Variants in GC observed in about 807,000 individuals in gnomAD.
GC encodes vitamin D-binding protein.
GC carries 43 observed loss-of-function variants against 56.7 expected under a neutral mutation model. That is an observed-to-expected ratio of 0.76 (90% CI 0.59 to 0.98). The LOEUF is 0.98. GC is among the 50% of genes least tolerant of loss of function. The pLI, the probability that GC is intolerant of heterozygous loss-of-function variation, is 0.00. For synonymous variants in GC, 216 were observed against 202.7 expected, an observed-to-expected ratio of 1.07 and a Z score of -0.56; for missense variants, 529 against 545.9, an observed-to-expected ratio of 0.97 and a Z score of 0.31.
intron 1 of GC, among the ~76,000 whole-genome samples, chr4:71,791,012 T>C (rs1355137282): frequency 2.0e-5 from 3 of 151,998 alleles, no homozygotes; most frequent in African/African-American, 7.2e-5. Context: ...AAAGAAGACA[T>C]TTATGCAGCC....
At chr4:71,798,834 G>A (rs1358568233) in intron 1 of GC, among the ~76,000 whole-genome samples, 1 of 152,092 alleles carries the variant, frequency 6.6e-6, no homozygotes, top group Non-Finnish European at 1.5e-5. Flanking sequence ...TACTTAACTT[G>A]TAGTCTCTCT....
intron 2 of GC, among the ~76,000 whole-genome samples, chr4:71,768,752 C>T (rs1742255116): frequency 6.6e-6 from 1 of 152,226 alleles, no homozygotes; most frequent in Non-Finnish European, 1.5e-5. Context: ...GCGTGAGCCG[C>T]CGTGCCCGAC....
upstream of GC, chr4:71,804,118 C>G: frequency 3.1e-6 from 2 of 641,260 alleles, no homozygotes; most frequent in Non-Finnish European, 5.6e-6. Flanking sequence ...TATGCCAGGT[C>G]TGTCCCACAG....
At chr4:71,770,570 GC>G (rs148644549) in intron 1 of GC, among the ~76,000 whole-genome samples, 2,083 of 152,184 alleles carry the variant, frequency 0.014, 51 homozygotes, top group African/African-American at 0.047. Flanking sequence ...TGAATTTTTT[GC>G]CCATTGAGTT....
chr4:71,785,453 A>G (rs1466821058), upstream of GC, among the ~76,000 whole-genome samples: 1 of 151,790 alleles, frequency 6.6e-6, no homozygotes, highest in Non-Finnish European at 1.5e-5. Context: ...GGCAGAGTCT[A>G]TCAAAATTTC....
At chr4:71,771,444 AC>A (rs372920304) in intron 1 of GC, among the ~76,000 whole-genome samples, 20 of 151,688 alleles carry the variant, frequency 1.3e-4, no homozygotes, top group Non-Finnish European at 1.8e-4. Flanking sequence ...TTGGATGGAT[AC>A]CCCCCCAAAA....
At chr4:71,763,751 A>T in intron 5 of GC, 53 bp downstream of exon 5, 1 of 1,443,350 alleles carries the variant, frequency 6.9e-7, no homozygotes, top group Non-Finnish European at 9.5e-7. Flanking sequence ...ATCTAAAAGG[A>T]ATGCTATTAG....
chr4:71,755,516 A>G (rs187618647), intron 8 of GC, among the ~76,000 whole-genome samples: 199 of 152,290 alleles, frequency 1.3e-3, no homozygotes, highest in African/African-American at 4.6e-3. Flanking sequence ...TGGTTTCTGC[A>G]TCTTAATTAA....
At chr4:71,798,338 T>C (rs1264698376) in intron 1 of GC, among the ~76,000 whole-genome samples, 1 of 152,238 alleles carries the variant, frequency 6.6e-6, no homozygotes, top group Non-Finnish European at 1.5e-5. Context: ...TTCTGTTGAC[T>C]GATTTTTATC....
chr4:71,802,471 A>AT (rs1227815418), intron 1 of GC, among the ~76,000 whole-genome samples: 1 of 152,180 alleles, frequency 6.6e-6, no homozygotes, highest in African/African-American at 2.4e-5. Flanking sequence ...TTAATAGGGA[A>AT]TTTTTAAAAA....
At chr4:71,774,464 G>A (rs896643309) in intron 1 of GC, among the ~76,000 whole-genome samples, 8 of 151,572 alleles carry the variant, frequency 5.3e-5, no homozygotes, top group Non-Finnish European at 8.8e-5. Flanking sequence ...TTGTGGGTTG[G>A]TTACCTCCTC....
chr4:71,762,979 G>A (rs963616062), intron 6 of GC, among the ~76,000 whole-genome samples: 1 of 152,206 alleles, frequency 6.6e-6, no homozygotes, highest in African/African-American at 2.4e-5. Context: ...GATATATACT[G>A]TATAGCACAA....
chr4:71,746,075 C>T (rs903683190), intron 12 of GC, 76 bp downstream of exon 12: 2 of 703,956 alleles, frequency 2.8e-6, no homozygotes, highest in Non-Finnish European at 5.1e-6. Context: ...TTAAAGTCTC[C>T]TTCCCATTCT....
chr4:71,742,344 T>C (rs1049626293), intron 12 of GC, among the ~76,000 whole-genome samples: 1 of 152,116 alleles, frequency 6.6e-6, no homozygotes, highest in Admixed American at 6.5e-5. Context: ...TCTCCCTTAA[T>C]TTTTTCCCTC....
At chr4:71,764,362 A>T (rs1742091943) in intron 4 of GC, among the ~76,000 whole-genome samples, 2 of 152,290 alleles carry the variant, frequency 1.3e-5, no homozygotes, top group South Asian at 2.1e-4. Context: ...TATCTAAAAA[A>T]CACTAAGAAT....
At chr4:71,789,181 A>C (rs574919163) in intron 1 of GC, among the ~76,000 whole-genome samples, 1 of 152,014 alleles carries the variant, frequency 6.6e-6, no homozygotes, top group Admixed American at 6.6e-5. Context: ...AAGATAAAAT[A>C]TAATATGTGA....
At position 71,801,892 on chromosome 4, in the gene GC, T is replaced by TC. The variant is rs1364976708; in HGVS notation, c.21+2033_21+2034insG. The stretch of plus-strand genomic sequence containing the variant: ...CCTATTTTTCCTGTTTCTTTCTTCT[T>TC]TTTTTTTTTTTTATTGCCTGCCCTG... On this transcript the variant is annotated intron_variant, in intron 1 of 13. Coordinates refer to the GC transcript ENST00000504199. 3.5e-4 allele frequency among the ~76,000 whole-genome samples: 30 copies of TC among 85,976 alleles called. No homozygotes were observed. The East Asian group carries it at 7.6e-3, about 22-fold the overall frequency. 56.4% of individuals were successfully genotyped at this position (85,976 alleles called of 152,430 possible).
chr4:71,799,292 G>A (rs1276161737), intron 1 of GC, among the ~76,000 whole-genome samples: 1 of 152,162 alleles, frequency 6.6e-6, no homozygotes, highest in Admixed American at 6.5e-5. Context: ...CAGCGAGACA[G>A]ATATAACTGA....
chr4:71,760,974 A>C (rs1344559596), intron 6 of GC, among the ~76,000 whole-genome samples: 1 of 152,170 alleles, frequency 6.6e-6, no homozygotes, highest in Middle Eastern at 3.2e-3. Flanking sequence ...AAACAGATTA[A>C]TACAGTAAAT....
Sources: allele counts gnomAD v4.1 joint callset (sites outside exome capture counted in the v4.1 genomes callset), GRCh38; gene constraint gnomAD v4.1.1; transcripts MANE v1.5; gene names NCBI Gene and HGNC (gene_info 2026-07-23, HGNC 2026-07-21).